Variants in L1TD1 observed in about 807,000 individuals in gnomAD.
L1TD1 encodes LINE1 type transposase domain containing 1.
In L1TD1, 26 loss-of-function variants were observed where a neutral mutation model predicts 25.7. The ratio of observed to expected loss-of-function variants is 1.01; its 90% CI spans 0.74 to 1.40. The LOEUF (loss-of-function observed/expected upper bound fraction) is 1.40, where lower values mean the gene tolerates loss of function less well. Among genes scored for constraint, L1TD1 ranks in the 40% most tolerant of loss-of-function variants. The pLI, the probability that L1TD1 is intolerant of heterozygous loss-of-function variation, is 0.00. For missense variants in L1TD1, 1,130 were observed against 975.0 expected (o/e 1.16, Z -2.12); for synonymous variants, 421 against 335.6 (o/e 1.25, Z -2.78).
intron 2 of L1TD1, among the ~76,000 whole-genome samples, chr1:62,197,396 A>AC (rs1553121877): frequency 1.1e-3 from 35 of 32,784 alleles, no homozygotes; most frequent in East Asian, 2.3e-3. Flanking sequence ...AAAAAAATAA[A>AC]TTATATATAT....
Position 62,211,355 on chromosome 1 carries a change from G to C in L1TD1, c.2581G>C (p.Gly861Arg), listed in dbSNP as rs762692663. ...LHMPTLRELLGNNIP is the reference protein window; with the variant it reads ...LHMPTLRELLRNNIP ...TATGCCCACCTTGAGAGAATTACTG[G>C]GGAATAATATACCTTAGCACGCCAG... Residue 861 changes from glycine (G) to arginine (R), a missense_variant, in exon 4 of 4, where the codon GGG becomes CGG. Transcript: ENST00000498273. 6.2e-7 allele frequency: 1 copy of C among 1,606,284 alleles called. No individual in the cohort carries two copies. Among genetic ancestry groups the C allele is most frequent in the Non-Finnish European group, 8.5e-7 (1 of 1,176,580 alleles).
At position 62,210,643 on chromosome 1, in the gene L1TD1, T is replaced by C. The variant is rs1246972629; in HGVS notation, c.1869T>C (p.Asn623=). Residue 623 remains asparagine, a synonymous_variant, in exon 4 of 4, where the codon AAT becomes AAC. Coordinates refer to ENST00000498273, the MANE Select transcript of L1TD1 (RefSeq NM_019079.5). The part of the protein sequence containing the change: ...TEENLRSSVI[N]SIREIKEEIG... ...AAAACTTGAGAAGTAGTGTGATTAA[T>C]AGCATCAGAGAGATAAAAGAGGAGA... 20 of 1,578,028 alleles carry C rather than the reference T, an allele frequency of 1.3e-5. No homozygotes were observed. The highest frequency in any genetic ancestry group is 5.6e-5 in the Admixed American group (3 of 53,838).
At position 62,209,770 on chromosome 1, in the gene L1TD1, G is replaced by GT. The variant is rs750195461; in HGVS notation, c.1009-10dup. On this transcript the variant is annotated splice_polypyrimidine_tract_variant and intron_variant, in intron 3 of 3. Transcript: ENST00000498273. ...CAAATAACTCTTTTTTTTCTTCTTT[G>GT]TTTAACTTTCAGGATAAAACCCTAA... The GT allele has an allele frequency of 6.9e-7, 1 of 1,447,972 alleles. No homozygotes were observed. Among genetic ancestry groups the GT allele is most frequent in the Non-Finnish European group, 9.3e-7 (1 of 1,078,630 alleles). 89.7% of individuals were successfully genotyped at this position (1,447,972 alleles called of 1,614,324 possible).
chr1:62,203,688 C>G (rs1670685076), intron 2 of L1TD1, among the ~76,000 whole-genome samples: 1 of 152,154 alleles, frequency 6.6e-6, no homozygotes, highest in African/African-American at 2.4e-5. Flanking sequence ...ATGCCATTCT[C>G]CTGCCTCAGC....
At chr1:62,199,367 G>C (rs538724928) in intron 2 of L1TD1, among the ~76,000 whole-genome samples, 4 of 152,086 alleles carry the variant, frequency 2.6e-5, no homozygotes, top group South Asian at 4.2e-4. Flanking sequence ...GCATGGTGGC[G>C]TGTGCCTGTT....
Position 62,202,536 on chromosome 1 carries a change from TTTTTC to T in L1TD1, c.-110-3973_-110-3969del, listed in dbSNP as rs200448216. Among the ~76,000 whole-genome samples, 729 of 133,164 alleles carry T rather than the reference TTTTTC, an allele frequency of 5.5e-3. 7 individuals are homozygous for T. The highest frequency in any genetic ancestry group is 0.019 in the African/African-American group (651 of 34,464). 87.4% of individuals were successfully genotyped at this position (133,164 alleles called of 152,430 possible). A position where few individuals can be genotyped will look rare whatever the true frequency, so the allele number is the denominator to read the frequency against. On this transcript the variant is annotated intron_variant, in intron 2 of 3. Coordinates refer to ENST00000498273, the MANE Select transcript of L1TD1 (RefSeq NM_019079.5). Reference sequence around the variant, plus strand: ...TTTTTGTAACTATCATGCTTTTTTCTTTTTCTTTTCTTTTTTTTTTTTTTTAGCTG... The same window carrying T: ...TTTTTGTAACTATCATGCTTTTTTCTTTTTCTTTTTTTTTTTTTTTAGCTG...
chr1:62,196,590 G>GGT (rs1257010067), intron 2 of L1TD1, 62 bp downstream of exon 2: 1 of 151,694 alleles, frequency 6.6e-6, no homozygotes, highest in Non-Finnish European at 1.5e-5. Flanking sequence ...GTGGGGTTGG[G>GGT]GTGGGGTATT....
intron 2 of L1TD1, among the ~76,000 whole-genome samples, chr1:62,205,104 C>T (rs1405923871): frequency 6.6e-6 from 1 of 151,870 alleles, no homozygotes; most frequent in African/African-American, 2.4e-5. Flanking sequence ...GTAATTCCAG[C>T]ACTTTGGAGG....
intron 1 of L1TD1, among the ~76,000 whole-genome samples, chr1:62,195,223 G>A (rs949316029): frequency 1.9e-4 from 29 of 152,178 alleles, no homozygotes; most frequent in Admixed American, 5.2e-4. Flanking sequence ...CCAGGTACGT[G>A]AGGCCCGAGG....
chr1:62,205,572 C>T (rs1279950060), intron 2 of L1TD1, among the ~76,000 whole-genome samples: 1 of 150,826 alleles, frequency 6.6e-6, no homozygotes, highest in African/African-American at 2.4e-5. Context: ...GCTGGTATTA[C>T]AGGCACGTGC....
Position 62,210,105 on chromosome 1 carries a change from C to T in L1TD1, c.1331C>T (p.Ser444Leu), listed in dbSNP as rs1670833707. The change falls in exon 4 of 4, where the codon TCA (serine) becomes TTA (leucine). Residue 444 changes from serine (S) to leucine (L), a missense_variant. Coordinates refer to ENST00000498273, the MANE Select transcript of L1TD1 (RefSeq NM_019079.5). ...GAGGAACAGACTTCAGAACAGGACT[C>T]AACCTTTCAGGGTCATACTTTGGTA... ...EEEEQTSEQDSTFQGHTLVDA... is the reference protein window; with the variant it reads ...EEEEQTSEQDLTFQGHTLVDA... 1.2e-6 allele frequency: 2 copies of T among 1,613,866 alleles called. No homozygotes were observed. Among genetic ancestry groups the T allele is most frequent in the Non-Finnish European group, 1.7e-6 (2 of 1,180,028 alleles).
chr1:62,197,002 A>C (rs530939819), intron 2 of L1TD1, among the ~76,000 whole-genome samples: 1 of 152,100 alleles, frequency 6.6e-6, no homozygotes, highest in Non-Finnish European at 1.5e-5. Context: ...GTCTGGTGCT[A>C]TTAGCAGAAC....
At position 62,206,757 on chromosome 1, in the gene L1TD1, A is replaced by G. The variant is rs773475354; in HGVS notation, c.129A>G (p.Leu43=). The G allele has an allele frequency of 6.4e-7, 1 of 1,554,544 alleles. No homozygotes were observed. The highest frequency in any genetic ancestry group is 8.7e-7 in the Non-Finnish European group (1 of 1,148,128). ...AGGACATAGCTCCGGTATTAGATTT[A>G]AAATGCAAGGACGTATCAGCAATTA... is the stretch of plus-strand genomic sequence containing the variant. ...TDKDIAPVLD[L]KCKDVSAIMN... is the part of the protein sequence containing the mutation. Residue 43 remains leucine (L), a synonymous_variant, in exon 3 of 4, where the codon TTA becomes TTG. Coordinates refer to ENST00000498273, the MANE Select transcript of L1TD1 (RefSeq NM_019079.5).
At position 62,195,794 on chromosome 1, in the gene L1TD1, T is replaced by C. The variant is rs530895123; in HGVS notation, c.-204-641T>C. 2.2e-4 allele frequency among the ~76,000 whole-genome samples: 33 copies of C among 152,146 alleles called. No homozygotes were observed. In the South Asian group the frequency reaches 2.5e-3, roughly 12 times the overall value. On this transcript the variant is annotated intron_variant, in intron 1 of 3. Transcript: ENST00000498273. Reference sequence around the variant, plus strand: ...GGCCGGGCGTGTTATTTTCCAGCACTTTGGGAGGCCGAGGCGGGGGCGGAT... The same window carrying C: ...GGCCGGGCGTGTTATTTTCCAGCACCTTGGGAGGCCGAGGCGGGGGCGGAT...
At chr1:62,205,439 A>ATTTTTTTTTTTTTTTTTTTTTTTTT (rs1297750882) in intron 2 of L1TD1, among the ~76,000 whole-genome samples, 1 of 44,234 alleles carries the variant, frequency 2.3e-5, no homozygotes, top group African/African-American at 8.6e-5. Flanking sequence ...ATATATATAT[A>ATTTTTTTTTTTTTTTTTTTTTTTTT]TATATTTTTT....
In L1TD1 at chr1:62,211,026, A is replaced by T; in HGVS notation, c.2252A>T (p.Asp751Val). 5 of 1,547,498 alleles carry T rather than the reference A, an allele frequency of 3.2e-6. No homozygotes were observed. The highest frequency in any genetic ancestry group is 4.4e-6 in the Non-Finnish European group (5 of 1,146,068). ...VSACRVPSKIDEKRLTPRHIL... is the reference protein window; with the variant it reads ...VSACRVPSKIVEKRLTPRHIL... ...GCTTGTCGAGTACCTAGTAAAATTGATGAAAAGAGACTGACTCCTAGACAC... is the reference window on the plus strand; with the variant it reads ...GCTTGTCGAGTACCTAGTAAAATTGTTGAAAAGAGACTGACTCCTAGACAC... The change falls in exon 4 of 4, where the codon GAT becomes GTT. Residue 751 changes from aspartate to valine, a missense_variant. Transcript: ENST00000498273.
chr1:62,205,905 A>T (rs1342179168), intron 2 of L1TD1, among the ~76,000 whole-genome samples: 1 of 150,112 alleles, frequency 6.7e-6, no homozygotes, highest in South Asian at 2.1e-4. Flanking sequence ...CTAATTTTTT[A>T]TTTTTTTGTA....
chr1:62,207,338 T>TG lies in L1TD1; in HGVS notation c.712dup (p.Asp238GlyfsTer2). On this transcript the variant is annotated frameshift_variant, in exon 3 of 4. Transcript: ENST00000498273. LOFTEE classifies it high-confidence loss of function. ...GCCTCCAGAGAAGAAAAAGTGTTGA[T>TG]GGATGAAGGAGCAGTACTTACCCTG... 5 of 1,551,354 alleles carry TG rather than the reference T, an allele frequency of 3.2e-6. No homozygotes were observed. The highest frequency in any genetic ancestry group is 4.4e-6 in the Non-Finnish European group (5 of 1,146,836).
intron 3 of L1TD1, 31 bp downstream of exon 3, chr1:62,207,667 C>A (rs1159407979): frequency 1.4e-6 from 2 of 1,476,746 alleles, no homozygotes; most frequent in East Asian, 2.5e-5. Context: ...ATGTATAAAG[C>A]TTATGTATAA....
Sources: allele counts gnomAD v4.1 joint callset (sites outside exome capture counted in the v4.1 genomes callset), GRCh38; gene constraint gnomAD v4.1.1; transcripts MANE v1.5; gene names NCBI Gene and HGNC (gene_info 2026-07-23, HGNC 2026-07-21).